The following DAW1 variants were observed in gnomAD, a reference collection of about 807,000 sequenced individuals.
DAW1 encodes dynein assembly factor with WD repeat domains 1.
A neutral mutation model predicts 56.5 loss-of-function variants in DAW1; 47 were observed. That is an observed-to-expected ratio of 0.83 (90% confidence interval 0.66 to 1.06). DAW1 has a LOEUF of 1.06. DAW1 is among the 50% of genes least tolerant of loss of function. The probability of loss-of-function intolerance (pLI) is 0.00; values close to 1 mark genes in which losing one functional copy is unlikely to be tolerated. For missense variants in DAW1, 505 were observed against 499.3 expected, an observed-to-expected ratio of 1.01 and a Z score of -0.11; for synonymous variants, 190 against 179.0, an observed-to-expected ratio of 1.06 and a Z score of -0.49.
intron 2 of DAW1, among the ~76,000 whole-genome samples, chr2:227,887,422 A>C (rs1294706979): frequency 2.0e-5 from 3 of 152,202 alleles, no homozygotes; most frequent in Non-Finnish European, 4.4e-5. Context: ...ATATGTAAGA[A>C]TCTAATCTGG....
chr2:227,878,298 A>C (rs1031850527), intron 1 of DAW1, among the ~76,000 whole-genome samples: 3 of 152,254 alleles, frequency 2.0e-5, no homozygotes, highest in South Asian at 2.1e-4. Flanking sequence ...ATTATAGTAC[A>C]GAAAGAAACA....
intron 10 of DAW1, among the ~76,000 whole-genome samples, chr2:227,910,385 C>T (rs1340375930): frequency 6.6e-6 from 1 of 151,954 alleles, no homozygotes; most frequent in African/African-American, 2.4e-5. Context: ...AGGAAAATAA[C>T]CTGAGCCCAG....
chr2:227,895,384 A>C (rs1691383117), intron 5 of DAW1: 1 of 152,238 alleles, frequency 6.6e-6, no homozygotes, highest in South Asian at 2.1e-4. Flanking sequence ...TCCATAAAGG[A>C]AGCTGGTTCT....
intron 1 of DAW1, among the ~76,000 whole-genome samples, chr2:227,876,173 G>A (rs182765276): frequency 1.3e-5 from 2 of 152,176 alleles, no homozygotes; most frequent in East Asian, 1.9e-4. Context: ...CCGCCAGTAC[G>A]CCAGGCTAAT....
chr2:227,885,422 A>G lies in DAW1; in HGVS notation c.112A>G (p.Ser38Gly). ...KSIDLLDLGP[S>G]TDVSALVEEI... ...CATAGATTTGCTTGATCTTGGTCCCAGGTAAGTAAGCTGTAGGATTCAACA... is the reference window on the plus strand; with the variant it reads ...CATAGATTTGCTTGATCTTGGTCCCGGGTAAGTAAGCTGTAGGATTCAACA... Residue 38 changes from serine (S) to glycine (G), a missense_variant and splice_region_variant, in exon 2 of 13, where the codon AGC becomes GGC. Coordinates refer to ENST00000309931, the MANE Select transcript of DAW1 (RefSeq NM_178821.3). 2 of 1,600,556 alleles carry G rather than the reference A, an allele frequency of 1.2e-6. No homozygotes were observed. Among genetic ancestry groups the G allele is most frequent in the Non-Finnish European group, 1.7e-6 (2 of 1,175,146 alleles).
chr2:227,914,231 A>T (rs2106213030), intron 10 of DAW1, among the ~76,000 whole-genome samples: 1 of 152,058 alleles, frequency 6.6e-6, no homozygotes, highest in South Asian at 2.1e-4. Context: ...TGTACTGAGG[A>T]TTATCTTATA....
chr2:227,909,759 A>G (rs914000645), intron 10 of DAW1, among the ~76,000 whole-genome samples: 2 of 152,140 alleles, frequency 1.3e-5, no homozygotes, highest in African/African-American at 4.8e-5. Flanking sequence ...CAGCTCCAGA[A>G]GAGAGAATTT....
At chr2:227,898,483 G>A (rs897455795) in intron 6 of DAW1, among the ~76,000 whole-genome samples, 5 of 151,822 alleles carry the variant, frequency 3.3e-5, no homozygotes, top group African/African-American at 4.8e-5. Context: ...ACCACGCCCC[G>A]CTAATTTTTT....
At chr2:227,912,357 C>T (rs1184755701) in intron 10 of DAW1, 11 of 1,304,554 alleles carry the variant, frequency 8.4e-6, no homozygotes, top group African/African-American at 1.5e-5. Flanking sequence ...CTCAGCCGCC[C>T]GAGTTATGTC....
At chr2:227,879,647 A>G (rs1690965906) in intron 1 of DAW1, among the ~76,000 whole-genome samples, 1 of 151,750 alleles carries the variant, frequency 6.6e-6, no homozygotes, top group Admixed American at 6.6e-5. Context: ...TATCTAGAAT[A>G]TTTTATATTT....
chr2:227,913,061 T>C (rs530125641), intron 10 of DAW1, among the ~76,000 whole-genome samples: 1 of 152,298 alleles, frequency 6.6e-6, no homozygotes, highest in Non-Finnish European at 1.5e-5. Context: ...GTCATCTCCT[T>C]TACAATCGCA....
At chr2:227,901,324 T>C (rs536463302) in intron 6 of DAW1, among the ~76,000 whole-genome samples, 10 of 151,870 alleles carry the variant, frequency 6.6e-5, no homozygotes, top group Non-Finnish European at 1.3e-4. Flanking sequence ...TTTGCATCTA[T>C]ATGACTTTTG....
At chr2:227,890,572 T>A (rs1327671918) in intron 3 of DAW1, among the ~76,000 whole-genome samples, 1 of 152,238 alleles carries the variant, frequency 6.6e-6, no homozygotes, top group Non-Finnish European at 1.5e-5. Context: ...ATGATTTAAA[T>A]ATAATTATGA....
chr2:227,888,969 C>T (rs1691195227), intron 2 of DAW1, among the ~76,000 whole-genome samples: 1 of 152,064 alleles, frequency 6.6e-6, no homozygotes, highest in Non-Finnish European at 1.5e-5. Flanking sequence ...TATGGTTAGG[C>T]ATTTTTCTCT....
intron 7 of DAW1, among the ~76,000 whole-genome samples, chr2:227,903,811 C>T (rs2106204475): frequency 6.6e-6 from 1 of 152,074 alleles, no homozygotes; most frequent in East Asian, 1.9e-4. Flanking sequence ...ATTATAAGTA[C>T]ATTTTTAAAA....
intron 5 of DAW1, among the ~76,000 whole-genome samples, chr2:227,897,194 G>A (rs898538119): frequency 6.6e-6 from 1 of 152,032 alleles, no homozygotes; most frequent in South Asian, 2.1e-4. Flanking sequence ...GAAACCAGAG[G>A]AGAAAGCTAG....
intron 4 of DAW1, among the ~76,000 whole-genome samples, chr2:227,893,085 C>G (rs1420721949): frequency 2.7e-5 from 4 of 148,864 alleles, no homozygotes; most frequent in Non-Finnish European, 5.9e-5. Context: ...CTGGCCAACA[C>G]AGTGAAACCC....
chr2:227,910,140 A>T (rs1021844404), intron 10 of DAW1, among the ~76,000 whole-genome samples: 1 of 152,114 alleles, frequency 6.6e-6, no homozygotes, highest in Non-Finnish European at 1.5e-5. Flanking sequence ...CTTGATGATC[A>T]TGTATGATGC....
At chr2:227,917,174 G>T (rs1478710505) in intron 10 of DAW1, among the ~76,000 whole-genome samples, 1 of 147,208 alleles carries the variant, frequency 6.8e-6, no homozygotes, top group Non-Finnish European at 1.5e-5. Flanking sequence ...CTGTCTGTCT[G>T]TCTGTCTATC....
Sources: gnomAD v4.1 joint callset for allele counts (sites outside exome capture counted in the v4.1 genomes callset) on GRCh38, gnomAD v4.1.1 for gene constraint, MANE v1.5 for transcripts, NCBI Gene and HGNC (gene_info 2026-07-23, HGNC 2026-07-21) for gene names.